The following DOP1B variants were observed in gnomAD, a reference collection of about 807,000 sequenced individuals.
DOP1B encodes the protein protein DOP1B.
DOP1B carries 174 observed loss-of-function variants against 233.5 expected under a neutral mutation model. The ratio of observed to expected loss-of-function variants is 0.75; its 90% confidence interval spans 0.66 to 0.85. The LOEUF (loss-of-function observed/expected upper bound fraction) is 0.85, where lower values mean the gene tolerates loss of function less well. Ranked by LOEUF, DOP1B falls within the 40% of genes least tolerant of loss-of-function variation. DOP1B has a pLI of 0.00. For synonymous variants in DOP1B, 1,190 were observed against 1,185.6 expected (o/e 1.00, Z -0.08); for missense variants, 2,652 against 2,846.6 (o/e 0.93, Z 1.56).
intron 9 of DOP1B, among the ~76,000 whole-genome samples, chr21:36,216,565 C>G (rs1038910441): frequency 2.6e-5 from 4 of 151,586 alleles, no homozygotes; most frequent in Non-Finnish European, 5.9e-5. Context: ...GAGCTGAGAT[C>G]GCACCATTGC....
At position 36,200,320 on chromosome 21, in the gene DOP1B, CT is replaced by C; in HGVS notation, c.321-8del. On this transcript the variant is annotated splice_polypyrimidine_tract_variant and intron_variant, in intron 3 of 36. Coordinates refer to ENST00000691173, the MANE Select transcript of DOP1B (RefSeq NM_001320714.2). ...TATTTCTGCCCCGCTCCCTCTCGTT[CT>C]TTCTCGAAGCTGCGGGTTATTTCCT... 6.3e-7 allele frequency: 1 copy of C among 1,578,674 alleles called. No homozygotes were observed.
intron 2 of DOP1B, chr21:36,175,723 G>A (rs1388167162): frequency 6.6e-6 from 1 of 152,288 alleles, no homozygotes; most frequent in Non-Finnish European, 1.5e-5. Context: ...AACCCAGAAG[G>A]TGGAGGATGC....
intron 9 of DOP1B, among the ~76,000 whole-genome samples, chr21:36,218,765 C>T (rs1192618164): frequency 6.6e-6 from 1 of 152,180 alleles, no homozygotes; most frequent in Non-Finnish European, 1.5e-5. Flanking sequence ...GTTTGCGGAG[C>T]AGCAATGCCC....
At chr21:36,169,949 T>C (rs1444530804) in intron 2 of DOP1B, 1 of 768,542 alleles carries the variant, frequency 1.3e-6, no homozygotes, top group Non-Finnish European at 2.4e-6. Flanking sequence ...GTCTCCACAG[T>C]AGTCATGGCC....
chr21:36,180,161 T>C (rs951581397), intron 2 of DOP1B, among the ~76,000 whole-genome samples: 2 of 152,194 alleles, frequency 1.3e-5, no homozygotes, highest in South Asian at 2.1e-4. Flanking sequence ...GAGGGGGTTA[T>C]TGATATTAAC....
At chr21:36,198,774 C>T (rs536253430) in intron 2 of DOP1B, among the ~76,000 whole-genome samples, 2 of 152,352 alleles carry the variant, frequency 1.3e-5, no homozygotes, top group Non-Finnish European at 2.9e-5. Flanking sequence ...GAGTGAGCCC[C>T]TACTCATGGC....
intron 9 of DOP1B, 87 bp from the exon 10 acceptor site, chr21:36,219,285 A>G: frequency 3.3e-6 from 5 of 1,537,550 alleles, no homozygotes; most frequent in South Asian, 1.2e-5. Context: ...GGTTTACTGT[A>G]TATATGTCTT....
At position 36,270,059 on chromosome 21, in the gene DOP1B, C is replaced by T; in HGVS notation, c.5534C>T (p.Ser1845Phe). The T allele has an allele frequency of 1.9e-6, 3 of 1,614,128 alleles. No homozygotes were observed. The highest frequency in any genetic ancestry group is 2.5e-6 in the Non-Finnish European group (3 of 1,180,010). ...GAAGCTGTGGGGAACATTGCCGGCT[C>T]TTCCTTGGAGCAAACCAGCTGGCTA... ...ILEAVGNIAGSSLEQTSWLSR... is the reference protein window; with the variant it reads ...ILEAVGNIAGFSLEQTSWLSR... The change falls in exon 27 of 37, where the codon TCT becomes TTT. Residue 1845 changes from serine to phenylalanine, a missense_variant. Around this residue, in one of 3 missense-constraint regions of DOP1B, gnomAD observed 2,617 missense variants for 2,794.3 expected, o/e 0.94. Coordinates refer to ENST00000691173, the MANE Select transcript of DOP1B (RefSeq NM_001320714.2).
chr21:36,272,994 A>G (rs2067306803), intron 27 of DOP1B, among the ~76,000 whole-genome samples: 1 of 150,558 alleles, frequency 6.6e-6, no homozygotes, highest in Non-Finnish European at 1.5e-5. Flanking sequence ...CAAAAAAAAA[A>G]AAAAAAAAAA....
At chr21:36,261,091 G>A (rs989531402) in intron 24 of DOP1B, 229 of 1,012,962 alleles carry the variant, frequency 2.3e-4, no homozygotes, top group Admixed American at 7.6e-4. Flanking sequence ...TGGGCCAGGC[G>A]CGGTGGCTCA....
intron 1 of DOP1B, among the ~76,000 whole-genome samples, chr21:36,161,636 G>T (rs1452443247): frequency 6.6e-6 from 1 of 152,170 alleles, no homozygotes; most frequent in East Asian, 1.9e-4. Context: ...TCACAGGCAT[G>T]AGCCACTGTG....
intron 2 of DOP1B, among the ~76,000 whole-genome samples, chr21:36,190,130 C>T (rs2066214698): frequency 6.6e-6 from 1 of 151,752 alleles, no homozygotes; most frequent in Admixed American, 6.6e-5. Context: ...CCAGCCTGGC[C>T]AAAATGGTGA....
chr21:36,223,162 T>A, intron 10 of DOP1B, 69 bp from the exon 11 acceptor site: 1 of 1,502,758 alleles, frequency 6.7e-7, no homozygotes, highest in East Asian at 2.4e-5. Context: ...CAATTACAGT[T>A]TTTTGGACAC....
At chr21:36,200,685 T>TA (rs2123472508) in intron 4 of DOP1B, among the ~76,000 whole-genome samples, 184 bp downstream of exon 4, 1 of 152,004 alleles carries the variant, frequency 6.6e-6, no homozygotes, top group East Asian at 1.9e-4. Flanking sequence ...CTACTAAAAA[T>TA]AAAAAAATTT....
chr21:36,171,044 G>A (rs895041832), intron 2 of DOP1B, among the ~76,000 whole-genome samples: 6 of 152,054 alleles, frequency 3.9e-5, no homozygotes, highest in African/African-American at 4.8e-5. Context: ...AGGAGTTGAC[G>A]TGCATTATTG....
rs141271761 is a variant in DOP1B, at chr21:36,158,640, T to C, written c.-27+1697T>C. ...CAACATGATGAAACTGTGTCTCTACTAAAAATACAAAAATTAGTTGGGCGT... is the reference window on the plus strand; with the variant it reads ...CAACATGATGAAACTGTGTCTCTACCAAAAATACAAAAATTAGTTGGGCGT... On this transcript the variant is annotated intron_variant, in intron 1 of 36. Transcript: ENST00000691173. Among the ~76,000 whole-genome samples, 522 of 151,302 alleles carry C rather than the reference T, an allele frequency of 3.5e-3. 2 individuals are homozygous for C. The highest frequency in any genetic ancestry group is 0.012 in the African/African-American group (508 of 41,216).
chr21:36,271,906 G>A (rs982312736), intron 27 of DOP1B, among the ~76,000 whole-genome samples: 9 of 151,686 alleles, frequency 5.9e-5, no homozygotes, highest in East Asian at 1.9e-4. Context: ...GCTGAGGTGG[G>A]CGGGTCGCCT....
At position 36,219,442 on chromosome 21, in the gene DOP1B, T is replaced by G. The variant is rs747079846; in HGVS notation, c.1200T>G (p.Leu400=). ...TTTATTCTTACTGCAGAGATGCCCTTGGCTCTGATCTTAAACTTAGCTACA... is the reference window on the plus strand; with the variant it reads ...TTTATTCTTACTGCAGAGATGCCCTGGGCTCTGATCTTAAACTTAGCTACA... ...RAFYSYCRDA[L]GSDLKLSYTQ... Residue 400 remains leucine (L), a synonymous_variant, in exon 10 of 37, where the codon CTT becomes CTG. Transcript: ENST00000691173. 5.2e-5 allele frequency: 84 copies of G among 1,614,098 alleles called. No individual in the cohort carries two copies. The highest frequency in any genetic ancestry group is 6.7e-5 in the Non-Finnish European group (79 of 1,180,044).
At chr21:36,207,301 C>A (rs2066438330) in intron 4 of DOP1B, among the ~76,000 whole-genome samples, 1 of 151,914 alleles carries the variant, frequency 6.6e-6, no homozygotes, top group South Asian at 2.1e-4. Flanking sequence ...TCTCCTGCCT[C>A]AGCCTCCCCA....
Sources: gnomAD v4.1 joint callset for allele counts (sites outside exome capture counted in the v4.1 genomes callset) on GRCh38, gnomAD v4.1.1 for gene constraint, gnomAD v4.1.1 regional missense constraint, MANE v1.5 for transcripts, NCBI Gene and HGNC (gene_info 2026-07-23, HGNC 2026-07-21) for gene names.